PIBF1: variants seen among roughly 807,000 people sequenced by gnomAD.
PIBF1 encodes progesterone immunomodulatory binding factor 1.
PIBF1 carries 90 observed loss-of-function variants against 112.5 expected under a neutral mutation model. That is an observed-to-expected ratio of 0.80 (90% CI 0.67 to 0.95). PIBF1 has a LOEUF of 0.95. Among genes scored for constraint, PIBF1 ranks in the 40% least tolerant of loss-of-function variants. The pLI is 0.00. For missense variants in PIBF1, 915 were observed against 852.3 expected, an observed-to-expected ratio of 1.07 and a Z score of -0.92; for synonymous variants, 301 against 288.6, an observed-to-expected ratio of 1.04 and a Z score of -0.44.
intron 16 of PIBF1, among the ~76,000 whole-genome samples, chr13:72,980,939 G>A (rs927987469): frequency 6.6e-6 from 1 of 151,448 alleles, no homozygotes; most frequent in African/African-American, 2.4e-5. Context: ...TGAGGAAGGG[G>A]CATGAGATCA....
intron 8 of PIBF1, among the ~76,000 whole-genome samples, chr13:72,828,267 C>CTTTTTT (rs780999187): frequency 8.1e-6 from 1 of 123,674 alleles, no homozygotes; most frequent in African/African-American, 3.1e-5. Flanking sequence ...GATATGTTTG[C>CTTTTTT]TTTTTTTTTT....
chr13:72,897,622 G>A (rs767845841), intron 11 of PIBF1, among the ~76,000 whole-genome samples: 2 of 152,146 alleles, frequency 1.3e-5, no homozygotes, highest in Non-Finnish European at 2.9e-5. Flanking sequence ...GTGGAAAAAG[G>A]CATTTCATGC....
intron 2 of PIBF1, among the ~76,000 whole-genome samples, chr13:72,790,093 G>A (rs2034819667): frequency 6.6e-6 from 1 of 151,950 alleles, no homozygotes; most frequent in Admixed American, 6.6e-5. Flanking sequence ...TTTTTCTTAT[G>A]GGCTGGATTT....
At chr13:72,978,904 G>T (rs1218457489) in intron 16 of PIBF1, among the ~76,000 whole-genome samples, 1 of 152,178 alleles carries the variant, frequency 6.6e-6, no homozygotes, top group Admixed American at 6.5e-5. Flanking sequence ...TATAAGAAAT[G>T]TGATTTCAGG....
chr13:72,882,613 T>C (rs1455795986), intron 10 of PIBF1, among the ~76,000 whole-genome samples: 1 of 152,124 alleles, frequency 6.6e-6, no homozygotes, highest in African/African-American at 2.4e-5. Context: ...TAATCCAATT[T>C]TTAAATGGGC....
chr13:72,801,220 A>C (rs1566286584), intron 5 of PIBF1, among the ~76,000 whole-genome samples: 1 of 152,094 alleles, frequency 6.6e-6, no homozygotes, highest in Non-Finnish European at 1.5e-5. Flanking sequence ...GTCTGACATG[A>C]TCTGACATGT....
At chr13:72,950,293 G>C (rs565178652) in intron 14 of PIBF1, among the ~76,000 whole-genome samples, 81 of 152,246 alleles carry the variant, frequency 5.3e-4, no homozygotes, top group African/African-American at 1.9e-3. Context: ...TCTTTATCTA[G>C]AGAGGTGTTT....
rs116986588 is a variant in PIBF1, at chr13:72,855,328, A to G, written c.1322+1173A>G. ...ACTTGGCCTATGGAAGAATTTTAAT[A>G]AATGTTATATTGAAGAAGTCATTCC... On this transcript the variant is annotated intron_variant, in intron 10 of 17. Coordinates refer to ENST00000326291, the MANE Select transcript of PIBF1 (RefSeq NM_006346.4). Among the ~76,000 whole-genome samples, 1,155 of 152,300 alleles carry G rather than the reference A, an allele frequency of 7.6e-3. 14 individuals carry two copies. The highest frequency in any genetic ancestry group is 0.014 in the Middle Eastern group (4 of 294).
chr13:72,845,937 A>C (rs942258923), intron 9 of PIBF1, among the ~76,000 whole-genome samples: 5 of 152,054 alleles, frequency 3.3e-5, no homozygotes, highest in Non-Finnish European at 7.4e-5. Flanking sequence ...AGTTCTTACC[A>C]TGCTTCACCT....
intron 2 of PIBF1, among the ~76,000 whole-genome samples, chr13:72,784,157 A>C (rs748393469): frequency 8.5e-5 from 13 of 152,090 alleles, no homozygotes; most frequent in Non-Finnish European, 1.6e-4. Context: ...ATGTACGTAT[A>C]CTTCAAAACA....
chr13:72,805,631 G>GC (rs917432215), intron 5 of PIBF1, among the ~76,000 whole-genome samples: 3 of 152,160 alleles, frequency 2.0e-5, no homozygotes, highest in Non-Finnish European at 2.9e-5. Context: ...TACAATATAA[G>GC]CTTTGGGGAA....
intron 11 of PIBF1, among the ~76,000 whole-genome samples, chr13:72,894,685 C>T (rs1482587597): frequency 1.3e-5 from 2 of 149,854 alleles, no homozygotes; most frequent in East Asian, 1.9e-4. Context: ...GACTCAATAC[C>T]TCATACCGTA....
chr13:72,878,826 T>A (rs2039509999), intron 10 of PIBF1, among the ~76,000 whole-genome samples: 1 of 152,206 alleles, frequency 6.6e-6, no homozygotes, highest in Non-Finnish European at 1.5e-5. Context: ...GATTATTATA[T>A]CTACTTGGAA....
intron 14 of PIBF1, among the ~76,000 whole-genome samples, chr13:72,957,272 T>C (rs1299952716): frequency 6.6e-6 from 1 of 152,124 alleles, no homozygotes; most frequent in African/African-American, 2.4e-5. Flanking sequence ...CAAATGCCCA[T>C]CAGTCAATGA....
intron 13 of PIBF1, among the ~76,000 whole-genome samples, chr13:72,917,802 A>G (rs1335538544): frequency 6.6e-6 from 1 of 152,242 alleles, no homozygotes; most frequent in Non-Finnish European, 1.5e-5. Context: ...TCCTTAATAC[A>G]GTTATTCACA....
rs1239341340 is a variant in PIBF1 at position 72,854,291 on chromosome 13, T to C, written c.1322+136T>C. ...GAGACTAATTTTCATTTCAATAATT[T>C]TCATTTCAATTTTCATTTCATTTCA... On this transcript the variant is annotated intron_variant, in intron 10 of 17. Transcript: ENST00000326291. 8.3e-6 allele frequency: 5 copies of C among 602,908 alleles called. No individual in the cohort carries two copies. The Admixed American group carries it at 1.2e-4, about 15-fold the overall frequency. 37.3% of individuals were successfully genotyped at this position (602,908 alleles called of 1,614,324 possible).
intron 10 of PIBF1, among the ~76,000 whole-genome samples, chr13:72,883,049 G>A (rs1315315019): frequency 1.3e-5 from 2 of 152,132 alleles, no homozygotes; most frequent in African/African-American, 2.4e-5. Context: ...ACTTATTGCA[G>A]CACTGTTTAC....
chr13:72,800,265 G>C (rs771980734), intron 5 of PIBF1, among the ~76,000 whole-genome samples: 1 of 152,192 alleles, frequency 6.6e-6, no homozygotes, highest in Non-Finnish European at 1.5e-5. Flanking sequence ...GGAACTCCTG[G>C]CCTCAAGAGA....
intron 2 of PIBF1, among the ~76,000 whole-genome samples, chr13:72,786,811 G>C (rs1223814142): frequency 6.6e-6 from 1 of 152,140 alleles, no homozygotes; most frequent in African/African-American, 2.4e-5. Flanking sequence ...TTCTCTGCTT[G>C]AAGACTCTTT....
Sources: allele counts gnomAD v4.1 joint callset (sites outside exome capture counted in the v4.1 genomes callset), GRCh38; gene constraint gnomAD v4.1.1; transcripts MANE v1.5; gene names NCBI Gene and HGNC (gene_info 2026-07-23, HGNC 2026-07-21).